The following HMGN5 variants were observed in gnomAD, a reference collection of about 807,000 sequenced individuals.
HMGN5 encodes the protein high mobility group nucleosome-binding domain-containing protein 5.
A neutral mutation model predicts 9.5 loss-of-function variants in HMGN5; 4 were observed. The observed-to-expected ratio is 0.42, with a 90% confidence interval of 0.21 to 0.96. HMGN5 has a LOEUF of 0.96. Among genes scored for constraint, HMGN5 ranks in the 40% least tolerant of loss-of-function variants. The pLI is 0.30. For missense variants in HMGN5, 192 were observed against 187.5 expected (o/e 1.02, Z -0.14); for synonymous variants, 55 against 57.1 (o/e 0.96, Z 0.16).
intron 1 of HMGN5, among the ~76,000 whole-genome samples, chrX:81,136,532 A>G (rs539480658): frequency 9.0e-6 from 1 of 111,510 alleles, no homozygotes; most frequent in South Asian, 3.7e-4. Flanking sequence ...CTCTATGAAA[A>G]CTATACAAAA....
chrX:81,201,201 T>C (rs1482022044), intron 1 of HMGN5, among the ~76,000 whole-genome samples: 1 of 108,791 alleles, frequency 9.2e-6, no homozygotes, highest in Non-Finnish European at 1.9e-5. Context: ...TCCACTCTCA[T>C]TCATCTTGCA....
chrX:81,171,756 T>C (rs1401033868), intron 1 of HMGN5, among the ~76,000 whole-genome samples: 1 of 111,396 alleles, frequency 9.0e-6, no homozygotes, highest in Non-Finnish European at 1.9e-5. Flanking sequence ...GTTTCTCTTT[T>C]TGTACTTCAT....
intron 1 of HMGN5, among the ~76,000 whole-genome samples, chrX:81,126,779 G>A (rs1271434273): frequency 1.8e-5 from 2 of 111,574 alleles, no homozygotes; most frequent in African/African-American, 6.5e-5. Flanking sequence ...ATATTAAGAT[G>A]TACAACATGA....
intron 1 of HMGN5, among the ~76,000 whole-genome samples, chrX:81,180,039 T>C (rs1166794847): frequency 1.8e-5 from 2 of 111,482 alleles, no homozygotes; most frequent in African/African-American, 6.5e-5. Context: ...TTACACCTTA[T>C]ACAAAAATTA....
chrX:81,114,659 C>G lies in HMGN5; in HGVS notation c.839G>C (p.Ser280Thr), dbSNP rs754602323. The G allele has an allele frequency of 1.1e-4, 129 of 1,133,874 alleles. No individual in the cohort carries two copies. Among genetic ancestry groups the G allele is most frequent in the Non-Finnish European group, 1.5e-4 (125 of 861,394 alleles). 93.4% of individuals were successfully genotyped at this position (1,133,874 alleles called of 1,213,427 possible). A position where few individuals can be genotyped will look rare whatever the true frequency, so the allele number is the denominator to read the frequency against. Residue 280 changes from serine (S) to threonine (T), a missense_variant, in exon 7 of 7, where the codon AGT (serine) becomes ACT (threonine). Physicochemically the swap from Ser to Thr is moderately conservative, Grantham distance 58. Coordinates refer to ENST00000358130, the MANE Select transcript of HMGN5 (RefSeq NM_030763.3). ...EDDGKKEEPQSIV is the reference protein window; with the variant it reads ...EDDGKKEEPQTIV ...CTACATAGGGCAGTTTTAAACAATA[C>G]TCTGTGGCTCCTCTTTTTTTCCATC...
At chrX:81,152,123 C>T (rs1273186060) in intron 1 of HMGN5, among the ~76,000 whole-genome samples, 11 of 111,459 alleles carry the variant, frequency 9.9e-5, no homozygotes, top group Non-Finnish European at 1.3e-4. Context: ...GCAATGGCAA[C>T]AAAAGCCAAA....
At chrX:81,152,060 T>C (rs1355996575) in intron 1 of HMGN5, among the ~76,000 whole-genome samples, 1 of 111,656 alleles carries the variant, frequency 9.0e-6, no homozygotes, top group Non-Finnish European at 1.9e-5. Flanking sequence ...AACCTAGGCA[T>C]TACCATTCAG....
At chrX:81,194,266 G>T (rs973469004) in intron 1 of HMGN5, among the ~76,000 whole-genome samples, 3 of 111,049 alleles carry the variant, frequency 2.7e-5, no homozygotes, top group African/African-American at 9.8e-5. Flanking sequence ...GGTCTGGAAA[G>T]ATTTCTTTAA....
At chrX:81,194,658 C>A (rs2075502969) in intron 1 of HMGN5, among the ~76,000 whole-genome samples, 1 of 111,691 alleles carries the variant, frequency 9.0e-6, no homozygotes, top group Non-Finnish European at 1.9e-5. Context: ...TTATGACATT[C>A]AATTCTGGGA....
At chrX:81,177,412 T>C (rs1227632013) in intron 1 of HMGN5, among the ~76,000 whole-genome samples, 17 of 65,590 alleles carry the variant, frequency 2.6e-4, no homozygotes, top group African/African-American at 8.5e-4. Flanking sequence ...GTGGTTGCAA[T>C]CCTAGTCTCT....
chrX:81,163,531 ATTTG>A (rs1175011115), intron 1 of HMGN5, among the ~76,000 whole-genome samples: 2 of 111,668 alleles, frequency 1.8e-5, no homozygotes, highest in African/African-American at 3.3e-5. Context: ...ACTTTTGATG[ATTTG>A]TTTGTTTTAG....
Position 81,201,854 on chromosome X carries a change from T to C in HMGN5, c.-241A>G, listed in dbSNP as rs2075528142. ...TTCATGCTAATCTAATTCAATTCAG[T>C]TCTCCTTTTTCTTTCTTCTTCTCCT... On this transcript the variant is annotated 5_prime_UTR_variant, in exon 1 of 7. Transcript: ENST00000358130. 2.0e-5 allele frequency: 5 copies of C among 245,556 alleles called. No individual in the cohort carries two copies. The East Asian group carries it at 5.2e-4, about 25-fold the overall frequency. The allele number at this position is 245,556 out of a possible 1,213,427, so 20.2% of individuals were successfully genotyped here. A position where few individuals can be genotyped will look rare whatever the true frequency, so the allele number is the denominator to read the frequency against.
intron 1 of HMGN5, among the ~76,000 whole-genome samples, chrX:81,138,993 A>G (rs1330900497): frequency 8.9e-6 from 1 of 112,130 alleles, no homozygotes; most frequent in African/African-American, 3.2e-5. Flanking sequence ...ATGGAGAGAC[A>G]TATCACGCTC....
At position 81,143,547 on chromosome X, in the gene HMGN5, C is replaced by T. The variant is rs1366579323; in HGVS notation, c.-123-21875G>A. ...GAGCCAAAGCAGAATGGGGCATTGCCTCACCCGGGAAATGCAAGGGGTCAG... is the reference window on the plus strand; with the variant it reads ...GAGCCAAAGCAGAATGGGGCATTGCTTCACCCGGGAAATGCAAGGGGTCAG... On this transcript the variant is annotated intron_variant, in intron 1 of 6. Transcript: ENST00000358130. 2.0e-4 allele frequency among the ~76,000 whole-genome samples: 22 copies of T among 112,268 alleles called. No homozygotes were observed. The Admixed American group carries it at 2.1e-3, about 11-fold the overall frequency.
chrX:81,183,041 A>G (rs2075467221), intron 1 of HMGN5, among the ~76,000 whole-genome samples: 1 of 111,954 alleles, frequency 8.9e-6, no homozygotes, highest in Non-Finnish European at 1.9e-5. Flanking sequence ...TGAAGATAAG[A>G]AACGTATTGG....
chrX:81,126,325 ACT>A (rs765778930), intron 1 of HMGN5, among the ~76,000 whole-genome samples: 16 of 110,352 alleles, frequency 1.4e-4, no homozygotes, highest in Non-Finnish European at 2.3e-4. Flanking sequence ...TCAAGATGAA[ACT>A]CTGGCTGTCA....
chrX:81,195,523 G>A (rs1446032737), intron 1 of HMGN5, among the ~76,000 whole-genome samples: 3 of 111,498 alleles, frequency 2.7e-5, no homozygotes, highest in Admixed American at 1.9e-4. Flanking sequence ...ATCCATTCAA[G>A]TTGACACTCA....
chrX:81,114,546 A>C lies in HMGN5; in HGVS notation c.*103T>G. 1 of 758,570 alleles carries C rather than the reference A, an allele frequency of 1.3e-6. No homozygotes were observed. Among genetic ancestry groups the C allele is most frequent in the Non-Finnish European group, 1.8e-6 (1 of 569,159 alleles). 62.5% of individuals were successfully genotyped at this position (758,570 alleles called of 1,213,427 possible). A position where few individuals can be genotyped will look rare whatever the true frequency, so the allele number is the denominator to read the frequency against. ...TGTTCTGAAATTAAATCAATGCTAA[A>C]GAAAGGCTGTGTTTATAAAATTTTT... On this transcript the variant is annotated 3_prime_UTR_variant, in exon 7 of 7. Transcript: ENST00000358130.
At chrX:81,200,018 A>C (rs978023225) in intron 1 of HMGN5, among the ~76,000 whole-genome samples, 20 of 112,409 alleles carry the variant, frequency 1.8e-4, no homozygotes, top group African/African-American at 6.5e-4. Flanking sequence ...GAAGAACTTA[A>C]ACAAATTTAC....
Sources: gnomAD v4.1 joint callset for allele counts (sites outside exome capture counted in the v4.1 genomes callset) on GRCh38, gnomAD v4.1.1 for gene constraint, MANE v1.5 for transcripts, NCBI Gene and HGNC (gene_info 2026-07-23, HGNC 2026-07-21) for gene names.